Variants in SENP6 observed in about 807,000 individuals in gnomAD.
SENP6 encodes the protein SUMO specific peptidase 6, also known as sentrin-specific protease 6.
In SENP6, 41 loss-of-function variants were observed where a neutral mutation model predicts 134.5. The ratio of observed to expected loss-of-function variants is 0.30; its 90% CI spans 0.24 to 0.40. The LOEUF is 0.40. SENP6 is among the 10% of genes least tolerant of loss of function. The pLI is 1.00. For missense variants in SENP6, 1,248 were observed against 1,312.5 expected, an observed-to-expected ratio of 0.95 and a Z score of 0.76; for synonymous variants, 395 against 429.8, an observed-to-expected ratio of 0.92 and a Z score of 1.00.
chr6:75,604,895 A>G (rs1367874238), intron 1 of SENP6, among the ~76,000 whole-genome samples: 1 of 151,678 alleles, frequency 6.6e-6, no homozygotes, highest in Non-Finnish European at 1.5e-5. Flanking sequence ...CAACATGGTG[A>G]AACCCCGTCT....
chr6:75,684,973 A>G (rs958526828), intron 16 of SENP6, among the ~76,000 whole-genome samples: 13 of 152,112 alleles, frequency 8.5e-5, no homozygotes, highest in Non-Finnish European at 1.3e-4. Flanking sequence ...AGAAGGAATG[A>G]TACCAGCTCC....
chr6:75,659,329 A>G lies in SENP6; in HGVS notation c.618A>G (p.Gln206=), dbSNP rs1417215680. ...AGCCTGAAATTAAGAGGAAAGTACAACAGAAACGACACTGTAGTACCTATC... is the reference window on the plus strand; with the variant it reads ...AGCCTGAAATTAAGAGGAAAGTACAGCAGAAACGACACTGTAGTACCTATC... ...QVEPEIKRKV[Q]QKRHCSTYQP... is the part of the protein sequence containing the mutation. The change falls in exon 8 of 24, where the codon CAA becomes CAG. Residue 206 remains glutamine, a synonymous_variant. Coordinates refer to ENST00000447266, the MANE Select transcript of SENP6 (RefSeq NM_015571.4). 1.9e-6 allele frequency: 3 copies of G among 1,611,540 alleles called. No homozygotes were observed. The highest frequency in any genetic ancestry group is 2.2e-5 in the East Asian group (1 of 44,832).
At chr6:75,634,932 T>C (rs1448873412) in intron 5 of SENP6, 121 bp downstream of exon 5, 1 of 701,210 alleles carries the variant, frequency 1.4e-6, no homozygotes, top group East Asian at 2.7e-5. Context: ...TGTAGAGAGA[T>C]ATATCTCTGA....
intron 11 of SENP6, 74 bp from the exon 12 acceptor site, chr6:75,675,361 A>G: frequency 1.2e-6 from 1 of 822,126 alleles, no homozygotes; most frequent in Non-Finnish European, 2.0e-6. Flanking sequence ...AAACATTCTA[A>G]GTATTTGAAT....
chr6:75,677,298 G>A, intron 14 of SENP6, 42 bp downstream of exon 14: 1 of 1,324,922 alleles, frequency 7.5e-7, no homozygotes, highest in Non-Finnish European at 1.0e-6. Context: ...TAAATTGTGG[G>A]TAGTTTTAAA....
At chr6:75,684,185 T>C (rs1415973789) in intron 16 of SENP6, among the ~76,000 whole-genome samples, 1 of 152,212 alleles carries the variant, frequency 6.6e-6, no homozygotes, top group Non-Finnish European at 1.5e-5. Flanking sequence ...CACTCATGAT[T>C]TGGCTCTCTG....
intron 3 of SENP6, among the ~76,000 whole-genome samples, chr6:75,630,926 A>AT (rs1332027321): frequency 2.0e-5 from 3 of 150,446 alleles, no homozygotes; most frequent in Non-Finnish European, 4.5e-5. Flanking sequence ...ATGAAGAAGT[A>AT]TATCTCTGTA....
chr6:75,666,873 C>T lies in SENP6; in HGVS notation c.1156C>T (p.Arg386Ter). The change falls in exon 10 of 24, where the codon CGA becomes TGA. Residue 386 changes from arginine to a stop codon, truncating the protein, a stop_gained. Coordinates refer to ENST00000447266, the MANE Select transcript of SENP6 (RefSeq NM_015571.4). LOFTEE classifies it high-confidence loss of function. ...ENTCRAEREL[R>*]SIPEDSELNT... is the part of the protein sequence containing the mutation. Reference sequence around the variant, plus strand: ...TACTTGCAGAGCAGAGCGTGAACTACGAAGCATTCCAGAAGACTCAGAGTT... The same window carrying T: ...TACTTGCAGAGCAGAGCGTGAACTATGAAGCATTCCAGAAGACTCAGAGTT... 3 of 1,612,764 alleles carry T rather than the reference C, an allele frequency of 1.9e-6. No homozygotes were observed. The highest frequency in any genetic ancestry group is 2.5e-6 in the Non-Finnish European group (3 of 1,178,986).
At chr6:75,679,977 T>C (rs1773353298) in intron 16 of SENP6, 1 of 152,254 alleles carries the variant, frequency 6.6e-6, no homozygotes, top group African/African-American at 2.4e-5. Flanking sequence ...AATGATATCA[T>C]AATTGAATTT....
chr6:75,703,637 C>T (rs556660938), intron 19 of SENP6, among the ~76,000 whole-genome samples: 6 of 152,110 alleles, frequency 3.9e-5, no homozygotes, highest in Non-Finnish European at 8.8e-5. Context: ...TGGTGCCCAT[C>T]GGTGGTCCCA....
At chr6:75,686,649 C>T (rs1312410627) in intron 16 of SENP6, among the ~76,000 whole-genome samples, 1 of 152,190 alleles carries the variant, frequency 6.6e-6, no homozygotes, top group Non-Finnish European at 1.5e-5. Context: ...TTCTCCTTCA[C>T]TTATGAAGCT....
At chr6:75,622,146 A>T (rs1768321206) in intron 2 of SENP6, among the ~76,000 whole-genome samples, 1 of 152,222 alleles carries the variant, frequency 6.6e-6, no homozygotes, top group Non-Finnish European at 1.5e-5. Context: ...GACAGAAGTT[A>T]AGCAAAGTGT....
chr6:75,624,855 A>C (rs1768546524), intron 3 of SENP6, among the ~76,000 whole-genome samples: 1 of 152,132 alleles, frequency 6.6e-6, no homozygotes, highest in Non-Finnish European at 1.5e-5. Context: ...GTTTTTGGCC[A>C]AGTGTAGTGG....
At chr6:75,678,992 TTTTC>T (rs1773281837) in intron 16 of SENP6, 65 bp downstream of exon 16, 4 of 802,766 alleles carry the variant, frequency 5.0e-6, no homozygotes, top group Admixed American at 5.3e-5. Flanking sequence ...TATGTCTTTG[TTTTC>T]CAGAGTCAGG....
At chr6:75,649,517 TTTG>T (rs886416463) in intron 7 of SENP6, among the ~76,000 whole-genome samples, 17 of 152,212 alleles carry the variant, frequency 1.1e-4, no homozygotes, top group South Asian at 6.2e-4. Flanking sequence ...TGTTTGTTTG[TTTG>T]TTGTTGTTGT....
rs1036202821 is a variant in SENP6 at position 75,634,570 on chromosome 6, A to T, written c.354-137A>T. 4 of 528,752 alleles carry T rather than the reference A, an allele frequency of 7.6e-6. No individual in the cohort carries two copies. In the African/African-American group the frequency reaches 8.0e-5, roughly 11 times the overall value. 32.8% of individuals were successfully genotyped at this position (528,752 alleles called of 1,614,324 possible). On this transcript the variant is annotated intron_variant, in intron 4 of 23. Coordinates refer to ENST00000447266, the MANE Select transcript of SENP6 (RefSeq NM_015571.4). Reference sequence around the variant, plus strand: ...GGAAATGGAAAACTCCCAAAAGACAATTGGGTTTATCCATAAATTTTTTGT... The same window carrying T: ...GGAAATGGAAAACTCCCAAAAGACATTTGGGTTTATCCATAAATTTTTTGT...
intron 19 of SENP6, among the ~76,000 whole-genome samples, chr6:75,704,081 A>G (rs1039871212): frequency 6.6e-6 from 1 of 152,114 alleles, no homozygotes; most frequent in Non-Finnish European, 1.5e-5. Flanking sequence ...AACAGTCCTG[A>G]AGGGGTGGCC....
At chr6:75,603,401 A>G (rs1766786046) in intron 1 of SENP6, among the ~76,000 whole-genome samples, 1 of 152,214 alleles carries the variant, frequency 6.6e-6, no homozygotes. Context: ...AGAAGTGTTT[A>G]TATTACTTAA....
intron 1 of SENP6, among the ~76,000 whole-genome samples, chr6:75,615,962 T>G (rs1343625868): frequency 6.6e-6 from 1 of 152,214 alleles, no homozygotes; most frequent in Non-Finnish European, 1.5e-5. Context: ...GTTTTTGCTT[T>G]CTTTGGTCAA....
Sources: gnomAD v4.1 joint callset for allele counts (sites outside exome capture counted in the v4.1 genomes callset) on GRCh38, gnomAD v4.1.1 for gene constraint, MANE v1.5 for transcripts, NCBI Gene and HGNC (gene_info 2026-07-23, HGNC 2026-07-21) for gene names.